SORCS2: variants seen among roughly 807,000 people sequenced by gnomAD.
The protein encoded by SORCS2 is VPS10 domain-containing receptor SorCS2.
A neutral mutation model predicts 141.6 loss-of-function variants in SORCS2; 100 were observed. The ratio of observed to expected loss-of-function variants is 0.71; its 90% CI spans 0.60 to 0.83. The LOEUF (loss-of-function observed/expected upper bound fraction) is 0.83, where lower values mean the gene tolerates loss of function less well. Among genes scored for constraint, SORCS2 ranks in the 40% least tolerant of loss-of-function variants. The probability of loss-of-function intolerance (pLI) is 0.00; values close to 1 mark genes in which losing one functional copy is unlikely to be tolerated. For synonymous variants in SORCS2, 789 were observed against 676.9 expected, an observed-to-expected ratio of 1.17 and a Z score of -2.57; for missense variants, 1,646 against 1,560.2, an observed-to-expected ratio of 1.05 and a Z score of -0.93.
At chr4:7,481,478 T>A (rs560561297) in intron 2 of SORCS2, among the ~76,000 whole-genome samples, 2 of 152,016 alleles carry the variant, frequency 1.3e-5, no homozygotes. Flanking sequence ...TCTGGGGAGA[T>A]CTGGACATGT....
At chr4:7,257,024 T>G (rs1008928728) in intron 1 of SORCS2, among the ~76,000 whole-genome samples, 1 of 152,108 alleles carries the variant, frequency 6.6e-6, no homozygotes, top group Non-Finnish European at 1.5e-5. Context: ...AGAAGCTCAA[T>G]AGGAACTTCT....
At chr4:7,584,678 G>GC (rs1289494125) in intron 3 of SORCS2, among the ~76,000 whole-genome samples, 1 of 152,154 alleles carries the variant, frequency 6.6e-6, no homozygotes, top group Non-Finnish European at 1.5e-5. Flanking sequence ...CCTTCCTAAC[G>GC]CAGAGCCTAA....
intron 2 of SORCS2, among the ~76,000 whole-genome samples, chr4:7,396,679 A>G (rs1013144426): frequency 2.2e-4 from 33 of 152,148 alleles, no homozygotes; most frequent in Admixed American, 1.6e-3. Flanking sequence ...TCAGTGCACA[A>G]TTTCCCTTCA....
In SORCS2 at chr4:7,592,295, G is replaced by A. The variant is rs557922453; in HGVS notation, c.649-46033G>A. ...ATCCAGGCTGGATCTGGGCACGCTG[G>A]TATTTTGGAACCAAATAGGCCGGTT... On this transcript the variant is annotated intron_variant, in intron 3 of 26. Coordinates refer to ENST00000507866, the MANE Select transcript of SORCS2 (RefSeq NM_020777.3). 2.6e-5 allele frequency among the ~76,000 whole-genome samples: 4 copies of A among 152,194 alleles called. No individual in the cohort carries two copies. In the South Asian group the frequency reaches 6.2e-4, roughly 24 times the overall value.
intron 21 of SORCS2, 46 bp downstream of exon 21, chr4:7,726,949 T>A (rs754406074): frequency 6.3e-7 from 1 of 1,585,170 alleles, no homozygotes; most frequent in East Asian, 2.3e-5. Flanking sequence ...GCATCTCTGC[T>A]GCAGTCCAGG....
chr4:7,426,196 T>C (rs1726424376), intron 2 of SORCS2, among the ~76,000 whole-genome samples: 1 of 152,222 alleles, frequency 6.6e-6, no homozygotes, highest in South Asian at 2.1e-4. Flanking sequence ...GGCCAGGGCC[T>C]GTGTTTTACC....
intron 1 of SORCS2, among the ~76,000 whole-genome samples, chr4:7,207,935 G>A (rs1727838805): frequency 6.6e-6 from 1 of 152,184 alleles, no homozygotes; most frequent in Non-Finnish European, 1.5e-5. Context: ...GCCGAGCAGA[G>A]GGCTGGGCAA....
chr4:7,460,993 C>T (rs762827214), intron 2 of SORCS2, among the ~76,000 whole-genome samples: 5 of 152,096 alleles, frequency 3.3e-5, no homozygotes, highest in Non-Finnish European at 5.9e-5. Flanking sequence ...CCTCGTGCTG[C>T]TCCTTGCCAC....
At position 7,357,849 on chromosome 4, in the gene SORCS2, G is replaced by A. The variant is rs115925892; in HGVS notation, c.481-38439G>A. ...CCTGCCTTGTGTTTGGCGTGGGTGG[G>A]GGCTTCTGTGCACACTCCAGTCTGA... On this transcript the variant is annotated intron_variant, in intron 1 of 26. Coordinates refer to ENST00000507866, the MANE Select transcript of SORCS2 (RefSeq NM_020777.3). Among the ~76,000 whole-genome samples, 588 of 152,220 alleles carry A rather than the reference G, an allele frequency of 3.9e-3. 3 individuals are homozygous for A. Among genetic ancestry groups the A allele is most frequent in the African/African-American group, 0.013 (546 of 41,544 alleles).
chr4:7,616,267 G>A (rs149057894), intron 3 of SORCS2, among the ~76,000 whole-genome samples: 62 of 152,112 alleles, frequency 4.1e-4, no homozygotes, highest in African/African-American at 1.4e-3. Context: ...TCTGAGTGCC[G>A]CTAGCCAACC....
At chr4:7,593,476 G>A (rs577488396) in intron 3 of SORCS2, among the ~76,000 whole-genome samples, 19 of 152,298 alleles carry the variant, frequency 1.2e-4, no homozygotes, top group Admixed American at 5.2e-4. Context: ...CATCTAGCAA[G>A]GGCCATGAGA....
intron 2 of SORCS2, among the ~76,000 whole-genome samples, chr4:7,428,584 G>T (rs951199652): frequency 6.6e-6 from 1 of 152,202 alleles, no homozygotes; most frequent in African/African-American, 2.4e-5. Context: ...GGTGATGCTG[G>T]GCAGGGTTCT....
intron 3 of SORCS2, among the ~76,000 whole-genome samples, chr4:7,565,277 C>T (rs1465696679): frequency 6.6e-6 from 1 of 152,156 alleles, no homozygotes; most frequent in Admixed American, 6.5e-5. Flanking sequence ...CTCCTGGGCT[C>T]AGAAGTGAGA....
intron 3 of SORCS2, among the ~76,000 whole-genome samples, chr4:7,550,921 G>A (rs1401986899): frequency 6.6e-6 from 1 of 152,194 alleles, no homozygotes. Context: ...CCAGGGCTGT[G>A]AACCAGCTGA....
At chr4:7,654,354 C>A in intron 5 of SORCS2, 147 bp downstream of exon 5, 1 of 769,182 alleles carries the variant, frequency 1.3e-6, no homozygotes, top group Non-Finnish European at 2.1e-6. Context: ...CGTCCACTGC[C>A]TCTGCCTGCA....
At chr4:7,510,935 C>T (rs1446702328) in intron 2 of SORCS2, among the ~76,000 whole-genome samples, 3 of 152,226 alleles carry the variant, frequency 2.0e-5, no homozygotes, top group African/African-American at 7.2e-5. Flanking sequence ...GGCAGCGCCC[C>T]GGGAGCTGGT....
At chr4:7,599,943 C>T (rs1717548050) in intron 3 of SORCS2, among the ~76,000 whole-genome samples, 1 of 151,902 alleles carries the variant, frequency 6.6e-6, no homozygotes. Flanking sequence ...CACGCCTCAG[C>T]CTCCCAAGGA....
At chr4:7,346,108 A>G (rs1187932192) in intron 1 of SORCS2, among the ~76,000 whole-genome samples, 1 of 151,644 alleles carries the variant, frequency 6.6e-6, no homozygotes, top group Non-Finnish European at 1.5e-5. Flanking sequence ...CTCCAGGCTT[A>G]TTTTTCTTTT....
At chr4:7,280,627 A>T (rs1715811731) in intron 1 of SORCS2, among the ~76,000 whole-genome samples, 2 of 152,226 alleles carry the variant, frequency 1.3e-5, no homozygotes, top group South Asian at 4.1e-4. Flanking sequence ...GGAACTGCCA[A>T]ACTGTCTTCC....
Sources: allele counts gnomAD v4.1 joint callset (sites outside exome capture counted in the v4.1 genomes callset), GRCh38; gene constraint gnomAD v4.1.1; transcripts MANE v1.5; gene names NCBI Gene and HGNC (gene_info 2026-07-23, HGNC 2026-07-21).